The following TIMP2 variants were observed in gnomAD, a reference collection of about 807,000 sequenced individuals.
TIMP2 encodes TIMP metallopeptidase inhibitor 2, also known as metalloproteinase inhibitor 2.
TIMP2 carries 5 observed loss-of-function variants against 24.3 expected under a neutral mutation model. That is an observed-to-expected ratio of 0.21 (90% CI 0.11 to 0.43). The LOEUF (loss-of-function observed/expected upper bound fraction) is 0.43, where lower values mean the gene tolerates loss of function less well. Among genes scored for constraint, TIMP2 ranks in the 20% least tolerant of loss-of-function variants. TIMP2 has a pLI of 1.00. For synonymous variants in TIMP2, 130 were observed against 123.2 expected, an observed-to-expected ratio of 1.06 and a Z score of -0.37; for missense variants, 221 against 297.5, an observed-to-expected ratio of 0.74 and a Z score of 1.89.
At chr17:78,915,593 C>T (rs2070250451) in intron 1 of TIMP2, among the ~76,000 whole-genome samples, 1 of 151,978 alleles carries the variant, frequency 6.6e-6, no homozygotes, top group South Asian at 2.1e-4. Flanking sequence ...GATGTCGGCT[C>T]ACTGCAACCT....
intron 4 of TIMP2, chr17:78,856,671 A>T (rs1230274260): frequency 2.0e-5 from 3 of 152,536 alleles, no homozygotes; most frequent in African/African-American, 7.2e-5. Flanking sequence ...CCACAGCCAC[A>T]TCTAGGCGCT....
At chr17:78,881,524 A>G (rs2069780292) in intron 1 of TIMP2, among the ~76,000 whole-genome samples, 1 of 152,270 alleles carries the variant, frequency 6.6e-6, no homozygotes, top group African/African-American at 2.4e-5. Flanking sequence ...CCAGCCCTGG[A>G]GGACTCCACA....
chr17:78,892,412 G>GC (rs947028884), intron 1 of TIMP2: 1 of 1,549,606 alleles, frequency 6.5e-7, no homozygotes, highest in Non-Finnish European at 8.7e-7. Context: ...TTCAAGGGGC[G>GC]CCCCCGGGCC....
At chr17:78,907,190 C>T (rs781458208) in intron 1 of TIMP2, among the ~76,000 whole-genome samples, 6 of 152,030 alleles carry the variant, frequency 3.9e-5, no homozygotes, top group Non-Finnish European at 8.8e-5. Context: ...TGTGCCACCA[C>T]ACCCAGCTAA....
At chr17:78,883,376 G>A (rs534626259) in intron 1 of TIMP2, among the ~76,000 whole-genome samples, 223 of 152,326 alleles carry the variant, frequency 1.5e-3, no homozygotes, top group Middle Eastern at 6.8e-3. Context: ...GGTGCAGGGC[G>A]GGACCGTGAC....
In TIMP2 at chr17:78,893,017, AAGG is replaced by A. The variant is rs577935849; in HGVS notation, c.131-19101_131-19099del. On this transcript the variant is annotated intron_variant, in intron 1 of 4. Transcript: ENST00000262768. ...TGGAGGGAGAATTGATCGTAAAGGAAAGGAGGAAGAGACGGGGCAGGGAGGAGC... is the reference window on the plus strand; with the variant it reads ...TGGAGGGAGAATTGATCGTAAAGGAAAGGAAGAGACGGGGCAGGGAGGAGC... Among the ~76,000 whole-genome samples the A allele has an allele frequency of 1.4e-4, 22 of 152,254 alleles. No homozygotes were observed. The South Asian group carries it at 4.1e-3, about 29-fold the overall frequency.
rs79529260 is a variant in TIMP2 at position 78,879,024 on chromosome 17, C to T, written c.131-5105G>A. On this transcript the variant is annotated intron_variant, in intron 1 of 4. Coordinates refer to ENST00000262768, the MANE Select transcript of TIMP2 (RefSeq NM_003255.5). ...GGCCAGCTGACAGCTCTGATCGGTG[C>T]ACACCAGTTGGCATAGCGGGATCTG... is the stretch of plus-strand genomic sequence containing the variant. 2.0e-3 allele frequency among the ~76,000 whole-genome samples: 311 copies of T among 152,338 alleles called. 6 individuals carry two copies. The East Asian group carries it at 0.051, about 25-fold the overall frequency.
rs1276073498 is a variant in TIMP2 at position 78,925,073 on chromosome 17, G to A, written c.16C>T (p.Arg6Cys). MGAAA[R>C]TLRLALGLLL... is the part of the protein sequence containing the mutation. Reference sequence around the variant, plus strand: ...AGGCCGAGCGCCAGCCGCAGGGTGCGGGCCGCGGCGCCCATGGCGGGCCGG... The same window carrying A: ...AGGCCGAGCGCCAGCCGCAGGGTGCAGGCCGCGGCGCCCATGGCGGGCCGG... Residue 6 changes from arginine to cysteine, a missense_variant, in exon 1 of 5, where the codon CGC becomes TGC. Arg to Cys is a radical substitution (Grantham distance 180, BLOSUM62 -3). Coordinates refer to ENST00000262768, the MANE Select transcript of TIMP2 (RefSeq NM_003255.5). 2.7e-6 allele frequency: 3 copies of A among 1,110,238 alleles called. No individual in the cohort carries two copies. Among genetic ancestry groups the A allele is most frequent in the Non-Finnish European group, 3.3e-6 (3 of 910,682 alleles). 68.8% of individuals were successfully genotyped at this position (1,110,238 alleles called of 1,614,324 possible).
At chr17:78,860,314 C>T (rs2145745962) in intron 3 of TIMP2, among the ~76,000 whole-genome samples, 1 of 152,372 alleles carries the variant, frequency 6.6e-6, no homozygotes, top group South Asian at 2.1e-4. Context: ...GAGAAGCAGA[C>T]AGAGCCTCAG....
intron 1 of TIMP2, chr17:78,903,341 C>T (rs750706513): frequency 3.9e-5 from 6 of 152,440 alleles, no homozygotes; most frequent in Non-Finnish European, 7.3e-5. Context: ...CTCAAGCAGC[C>T]GGGAGCCATG....
At chr17:78,882,943 C>T (rs2069791648) in intron 1 of TIMP2, among the ~76,000 whole-genome samples, 1 of 152,268 alleles carries the variant, frequency 6.6e-6, no homozygotes, top group Non-Finnish European at 1.5e-5. Context: ...TGCCCTTCCT[C>T]GGCCCCTTCA....
chr17:78,868,771 A>G (rs2069641639), intron 3 of TIMP2, among the ~76,000 whole-genome samples: 1 of 152,164 alleles, frequency 6.6e-6, no homozygotes, highest in Non-Finnish European at 1.5e-5. Context: ...ATGAGCCACA[A>G]GGCTGGGGGC....
chr17:78,902,520 A>G (rs974084676), intron 1 of TIMP2: 1 of 152,594 alleles, frequency 6.6e-6, no homozygotes, highest in African/African-American at 2.4e-5. Flanking sequence ...TACTGGGGCC[A>G]CAGCTCATGA....
At chr17:78,915,314 A>G (rs1006028835) in intron 1 of TIMP2, among the ~76,000 whole-genome samples, 5 of 152,096 alleles carry the variant, frequency 3.3e-5, no homozygotes, top group Non-Finnish European at 7.4e-5. Context: ...AGATTAATTG[A>G]TTTAGCTTAT....
chr17:78,881,327 G>T (rs749771481), intron 1 of TIMP2, among the ~76,000 whole-genome samples: 1 of 152,220 alleles, frequency 6.6e-6, no homozygotes, highest in Non-Finnish European at 1.5e-5. Context: ...AACGCCAAGG[G>T]GTCCCCATGT....
At chr17:78,871,956 G>C (rs34818601) in intron 2 of TIMP2, among the ~76,000 whole-genome samples, 17,177 of 151,722 alleles carry the variant, frequency 0.11, 1,122 homozygotes, top group East Asian at 0.22. Flanking sequence ...AGGGGCTTTT[G>C]TACCTCCACG....
chr17:78,916,606 G>A (rs2070260374), intron 1 of TIMP2, among the ~76,000 whole-genome samples: 1 of 152,188 alleles, frequency 6.6e-6, no homozygotes, highest in Non-Finnish European at 1.5e-5. Context: ...GTCTTCCCCA[G>A]TGCAGGTGGG....
intron 1 of TIMP2, among the ~76,000 whole-genome samples, chr17:78,915,361 C>T (rs533703396): frequency 2.6e-5 from 4 of 152,180 alleles, no homozygotes; most frequent in African/African-American, 7.2e-5. Flanking sequence ...ACAAGGCCAG[C>T]CTCAGGAGCT....
intron 1 of TIMP2, chr17:78,922,350 A>G (rs1250171233): frequency 6.6e-6 from 1 of 152,228 alleles, no homozygotes; most frequent in African/African-American, 2.4e-5. Flanking sequence ...GTGACTGGGA[A>G]TAAGAGAAGG....
Sources: allele counts gnomAD v4.1 joint callset (sites outside exome capture counted in the v4.1 genomes callset), GRCh38; gene constraint gnomAD v4.1.1; transcripts MANE v1.5; gene names NCBI Gene and HGNC (gene_info 2026-07-23, HGNC 2026-07-21).